AKAP6: variants seen among roughly 807,000 people sequenced by gnomAD.
The protein encoded by AKAP6 is A-kinase anchoring protein 6.
A neutral mutation model predicts 188.5 loss-of-function variants in AKAP6; 58 were observed. The observed-to-expected ratio is 0.31, with a 90% CI of 0.25 to 0.38. The LOEUF is 0.38. Among genes scored for constraint, AKAP6 ranks in the 10% least tolerant of loss-of-function variants. AKAP6 has a pLI of 1.00. For synonymous variants in AKAP6, 989 were observed against 998.6 expected, an observed-to-expected ratio of 0.99 and a Z score of 0.18; for missense variants, 2,710 against 2,740.0, an observed-to-expected ratio of 0.99 and a Z score of 0.24.
chr14:32,704,409 A>G (rs1890732045), intron 9 of AKAP6, among the ~76,000 whole-genome samples: 2 of 152,148 alleles, frequency 1.3e-5, no homozygotes, highest in Admixed American at 6.5e-5. Context: ...TCTAGAAAAG[A>G]AAGTAGAGGA....
intron 2 of AKAP6, among the ~76,000 whole-genome samples, chr14:32,482,996 T>C (rs1446702188): frequency 1.8e-5 from 2 of 113,202 alleles, no homozygotes; most frequent in Admixed American, 2.0e-4. Context: ...TGTGTATATA[T>C]ATATATATAT....
chr14:32,591,589 G>A (rs1885487128), intron 5 of AKAP6, among the ~76,000 whole-genome samples: 1 of 151,114 alleles, frequency 6.6e-6, no homozygotes. Context: ...GAGGTTTCAG[G>A]AAGAAAGTCT....
Position 32,822,309 on chromosome 14 carries a change from T to G in AKAP6, c.4496T>G (p.Leu1499Arg), listed in dbSNP as rs898898915. Residue 1499 changes from leucine to arginine, a missense_variant, in exon 13 of 14, where the codon CTT becomes CGT. Leu to Arg is a moderately radical substitution (Grantham distance 102). Transcript: ENST00000280979. ...AAAGCGCATGTGGAGGATCCCCTGC[T>G]TCGTGGTTTTTATTTTGATAAAAAA... ...SEKAHVEDPL[L>R]RGFYFDKKSC... is the part of the protein sequence containing the mutation. 8.1e-6 allele frequency: 13 copies of G among 1,613,940 alleles called. No individual in the cohort carries two copies. In the Middle Eastern group the frequency reaches 6.6e-4, roughly 82 times the overall value.
At chr14:32,595,177 T>C (rs774245788) in intron 5 of AKAP6, among the ~76,000 whole-genome samples, 1 of 152,086 alleles carries the variant, frequency 6.6e-6, no homozygotes, top group Non-Finnish European at 1.5e-5. Context: ...CAACACTATA[T>C]GCAACAGCTA....
At chr14:32,771,740 TAC>T (rs2032904797) in intron 11 of AKAP6, among the ~76,000 whole-genome samples, 1 of 152,214 alleles carries the variant, frequency 6.6e-6, no homozygotes, top group Admixed American at 6.5e-5. Flanking sequence ...GCTTAAGAAA[TAC>T]AGTTATTATG....
intron 7 of AKAP6, among the ~76,000 whole-genome samples, chr14:32,642,653 C>T (rs1294873535): frequency 1.3e-5 from 2 of 152,162 alleles, no homozygotes; most frequent in African/African-American, 4.8e-5. Context: ...TTAAAAAATA[C>T]TCCACATGCT....
intron 12 of AKAP6, among the ~76,000 whole-genome samples, chr14:32,777,274 A>T (rs1326848439): frequency 6.6e-6 from 1 of 152,218 alleles, no homozygotes; most frequent in Non-Finnish European, 1.5e-5. Context: ...AAATTTATAA[A>T]ATTTATAGTG....
intron 4 of AKAP6, among the ~76,000 whole-genome samples, chr14:32,574,336 T>C (rs764101709): frequency 6.6e-6 from 1 of 152,120 alleles, no homozygotes; most frequent in Non-Finnish European, 1.5e-5. Context: ...CAGACAGCCT[T>C]GTTTTGCTAT....
At chr14:32,543,011 AC>A (rs1356128518) in intron 3 of AKAP6, among the ~76,000 whole-genome samples, 1 of 152,246 alleles carries the variant, frequency 6.6e-6, no homozygotes, top group African/African-American at 2.4e-5. Context: ...AAATTAACAT[AC>A]CTGTCACTTC....
At position 32,485,010 on chromosome 14, in the gene AKAP6, CTAAG is replaced by C. The variant is rs1281393539; in HGVS notation, c.325-50542_325-50539del. On this transcript the variant is annotated intron_variant, in intron 2 of 13. Coordinates refer to ENST00000280979, the MANE Select transcript of AKAP6 (RefSeq NM_004274.5). Reference sequence around the variant, plus strand: ...GTTGATTAGGGTGTTTAGCTGTTAACTAAGTGTTTATGGGTTTAAGTCCAATTGA... The same window carrying C: ...GTTGATTAGGGTGTTTAGCTGTTAACTGTTTATGGGTTTAAGTCCAATTGA... Among the ~76,000 whole-genome samples the C allele has an allele frequency of 2.7e-4, 20 of 74,696 alleles. 8 individuals are homozygous for C. The highest frequency in any genetic ancestry group is 4.4e-4 in the Non-Finnish European group (20 of 45,418). The allele number at this position is 74,696 out of a possible 152,430, so 49.0% of individuals were successfully genotyped here.
At chr14:32,757,756 G>A (rs1289162183) in intron 11 of AKAP6, among the ~76,000 whole-genome samples, 1 of 152,202 alleles carries the variant, frequency 6.6e-6, no homozygotes, top group African/African-American at 2.4e-5. Flanking sequence ...TGCAAGTTGA[G>A]TAGGATGTGG....
chr14:32,552,596 A>AG, intron 4 of AKAP6, among the ~76,000 whole-genome samples: 1 of 152,388 alleles, frequency 6.6e-6, no homozygotes, highest in South Asian at 2.1e-4. Context: ...TAGGAAAAAA[A>AG]CAGACTTAAT....
At chr14:32,524,645 G>A (rs545856486) in intron 2 of AKAP6, among the ~76,000 whole-genome samples, 226 of 152,246 alleles carry the variant, frequency 1.5e-3, no homozygotes, top group Non-Finnish European at 2.6e-3. Flanking sequence ...ATAAAGTTAT[G>A]GAATGTTGTT....
At chr14:32,613,700 G>T (rs1369123907) in intron 7 of AKAP6, among the ~76,000 whole-genome samples, 1 of 152,084 alleles carries the variant, frequency 6.6e-6, no homozygotes, top group Non-Finnish European at 1.5e-5. Flanking sequence ...AGACTTTGGA[G>T]GTTCTCTTAC....
intron 1 of AKAP6, among the ~76,000 whole-genome samples, chr14:32,399,524 A>C (rs958488126): frequency 2.0e-5 from 3 of 152,194 alleles, no homozygotes; most frequent in Non-Finnish European, 4.4e-5. Flanking sequence ...GTAGGAGTAC[A>C]CATTGGATAC....
chr14:32,585,492 ATG>A (rs1555342354), intron 5 of AKAP6, among the ~76,000 whole-genome samples: 7,593 of 150,708 alleles, frequency 0.05, 577 homozygotes, highest in African/African-American at 0.17. Flanking sequence ...AACTATATAT[ATG>A]TGTGTGTGTG....
rs184637376 is a variant in AKAP6 at position 32,387,543 on chromosome 14, T to C, written c.-34-45917T>C. Among the ~76,000 whole-genome samples, 593 of 149,458 alleles carry C rather than the reference T, an allele frequency of 4.0e-3. 6 individuals carry two copies. The highest frequency in any genetic ancestry group is 0.013 in the African/African-American group (554 of 41,126). Reference sequence around the variant, plus strand: ...TATTGTTTATTATTTATTATATTTTTAATCATAAAGGGATGCTGGATTTTG... The same window carrying C: ...TATTGTTTATTATTTATTATATTTTCAATCATAAAGGGATGCTGGATTTTG... On this transcript the variant is annotated intron_variant, in intron 1 of 13. Coordinates refer to ENST00000280979, the MANE Select transcript of AKAP6 (RefSeq NM_004274.5).
At chr14:32,361,698 A>T (rs1345884003) in intron 1 of AKAP6, among the ~76,000 whole-genome samples, 2 of 152,186 alleles carry the variant, frequency 1.3e-5, no homozygotes, top group Non-Finnish European at 1.5e-5. Flanking sequence ...TTTGCACTTT[A>T]TAAGGCTCAA....
At chr14:32,597,459 G>A (rs948063431) in intron 5 of AKAP6, among the ~76,000 whole-genome samples, 2 of 152,156 alleles carry the variant, frequency 1.3e-5, no homozygotes, top group Non-Finnish European at 2.9e-5. Flanking sequence ...ATTCTGCATG[G>A]CATTGCTTCA....
Sources: gnomAD v4.1 joint callset for allele counts (sites outside exome capture counted in the v4.1 genomes callset) on GRCh38, gnomAD v4.1.1 for gene constraint, MANE v1.5 for transcripts, NCBI Gene and HGNC (gene_info 2026-07-23, HGNC 2026-07-21) for gene names.